Variants in THSD7B observed in about 807,000 individuals in gnomAD.
THSD7B encodes thrombospondin type-1 domain-containing protein 7B.
A neutral mutation model predicts 213.6 loss-of-function variants in THSD7B; 138 were observed. The observed-to-expected ratio is 0.65, with a 90% CI of 0.56 to 0.74. The LOEUF (loss-of-function observed/expected upper bound fraction) is 0.74. Ranked by LOEUF, THSD7B falls within the 30% of genes least tolerant of loss-of-function variation. THSD7B has a pLI of 0.00. For missense variants in THSD7B, 1,931 were observed against 1,991.5 expected (o/e 0.97, Z 0.58); for synonymous variants, 742 against 687.0 (o/e 1.08, Z -1.25).
chr2:137,058,297 GA>G (rs929378401), intron 3 of THSD7B, among the ~76,000 whole-genome samples: 1 of 152,062 alleles, frequency 6.6e-6, no homozygotes. Context: ...CTACTTCTTT[GA>G]AGTCCAGATT....
intron 12 of THSD7B, among the ~76,000 whole-genome samples, chr2:137,372,734 A>C (rs1412233570): frequency 6.6e-6 from 1 of 151,854 alleles, no homozygotes; most frequent in East Asian, 1.9e-4. Context: ...TTTAGGGTAC[A>C]TGTGCACAAT....
At chr2:137,376,255 A>G (rs932164885) in intron 12 of THSD7B, among the ~76,000 whole-genome samples, 3 of 152,212 alleles carry the variant, frequency 2.0e-5, no homozygotes, top group African/African-American at 7.2e-5. Flanking sequence ...TCGATAGCCT[A>G]TTTCATGGCA....
intron 12 of THSD7B, among the ~76,000 whole-genome samples, chr2:137,339,517 AATAATTCAAAACACAAATGCAC>A (rs1684710756): frequency 1.3e-5 from 2 of 152,008 alleles, no homozygotes; most frequent in African/African-American, 2.4e-5. Flanking sequence ...ATTGAAAAAT[AATAATTCAAAACACAAATGCAC>A]ATCATTTGTG....
intron 2 of THSD7B, among the ~76,000 whole-genome samples, chr2:136,935,582 A>C (rs1001614777): frequency 6.6e-6 from 1 of 152,048 alleles, no homozygotes; most frequent in African/African-American, 2.4e-5. Flanking sequence ...GATATTTTTA[A>C]CTTGATGAAA....
chr2:137,154,344 A>G (rs1164288385), intron 5 of THSD7B, among the ~76,000 whole-genome samples: 1 of 152,216 alleles, frequency 6.6e-6, no homozygotes, highest in East Asian at 1.9e-4. Context: ...ATTACCTCAA[A>G]CACTTTCTGA....
chr2:136,804,438 A>C (rs75409299), intron 1 of THSD7B, among the ~76,000 whole-genome samples: 3 of 138,592 alleles, frequency 2.2e-5, no homozygotes, highest in Non-Finnish European at 3.2e-5. Flanking sequence ...ACACACACAC[A>C]CCCTTACCCT....
chr2:137,405,544 C>T (rs1043408041), intron 12 of THSD7B, 69 bp from the exon 13 acceptor site: 1 of 1,445,110 alleles, frequency 6.9e-7, no homozygotes, highest in Non-Finnish European at 9.3e-7. Flanking sequence ...ATTCTGCTGT[C>T]TTGTCAAAGA....
At chr2:136,867,273 G>A (rs779274763) in intron 1 of THSD7B, among the ~76,000 whole-genome samples, 1 of 152,100 alleles carries the variant, frequency 6.6e-6, no homozygotes, top group African/African-American at 2.4e-5. Flanking sequence ...TGTCCCTAAC[G>A]GACCACCATT....
At chr2:136,869,970 G>T (rs1683404776) in intron 1 of THSD7B, among the ~76,000 whole-genome samples, 1 of 151,764 alleles carries the variant, frequency 6.6e-6, no homozygotes, top group Admixed American at 6.6e-5. Flanking sequence ...TACTCAGGAG[G>T]CTGAGGCAGG....
At chr2:137,512,270 T>G (rs1679976838) in intron 15 of THSD7B, 1 of 152,106 alleles carries the variant, frequency 6.6e-6, no homozygotes, top group African/African-American at 2.4e-5. Context: ...ATCAAGGCAT[T>G]ATTCAAAGTA....
intron 2 of THSD7B, among the ~76,000 whole-genome samples, chr2:136,919,360 C>A (rs1017709610): frequency 6.6e-6 from 1 of 152,304 alleles, no homozygotes; most frequent in Non-Finnish European, 1.5e-5. Context: ...GTGTTTCCTT[C>A]CCTTTCTTGT....
intron 1 of THSD7B, among the ~76,000 whole-genome samples, chr2:136,868,930 C>T (rs1683387795): frequency 1.3e-5 from 2 of 151,948 alleles, no homozygotes; most frequent in Admixed American, 1.3e-4. Context: ...AATTTTATTA[C>T]TTTTTCTAGA....
chr2:137,081,701 T>C (rs927301237), intron 3 of THSD7B, among the ~76,000 whole-genome samples: 15 of 152,202 alleles, frequency 9.9e-5, no homozygotes, highest in Admixed American at 9.8e-4. Flanking sequence ...TCTTGGTTAT[T>C]TGGAGGAGAC....
intron 12 of THSD7B, among the ~76,000 whole-genome samples, chr2:137,337,361 G>A (rs1684661347): frequency 6.6e-6 from 1 of 152,028 alleles, no homozygotes; most frequent in African/African-American, 2.4e-5. Flanking sequence ...TTATTTCACA[G>A]CACGTTTCTC....
chr2:136,786,173 A>G (rs79522847), intron 1 of THSD7B, among the ~76,000 whole-genome samples: 1 of 151,920 alleles, frequency 6.6e-6, no homozygotes, highest in Non-Finnish European at 1.5e-5. Flanking sequence ...TAAGGAAAAA[A>G]TCATCATATT....
chr2:137,551,133 A>C (rs1359792762), intron 15 of THSD7B, among the ~76,000 whole-genome samples: 2 of 152,088 alleles, frequency 1.3e-5, no homozygotes, highest in African/African-American at 4.8e-5. Flanking sequence ...ATTATTCTTC[A>C]AAAAATTATC....
chr2:137,621,325 G>A (rs2104843238), intron 20 of THSD7B, among the ~76,000 whole-genome samples: 1 of 152,292 alleles, frequency 6.6e-6, no homozygotes, highest in African/African-American at 2.4e-5. Flanking sequence ...CTCATTGGAA[G>A]ATGGCAGGGA....
chr2:136,910,743 T>A (rs1489726210), intron 2 of THSD7B, among the ~76,000 whole-genome samples: 1 of 152,146 alleles, frequency 6.6e-6, no homozygotes, highest in African/African-American at 2.4e-5. Context: ...GTTTTGCTAT[T>A]TTGTAAATAT....
At chr2:137,094,495 A>G (rs553578494) in intron 3 of THSD7B, among the ~76,000 whole-genome samples, 15 of 151,618 alleles carry the variant, frequency 9.9e-5, no homozygotes, top group Non-Finnish European at 1.9e-4. Flanking sequence ...AGTTGCTTGA[A>G]TCTGGGAGGC....
Sources: gnomAD v4.1 joint callset for allele counts (sites outside exome capture counted in the v4.1 genomes callset) on GRCh38, gnomAD v4.1.1 for gene constraint, MANE v1.5 for transcripts, NCBI Gene and HGNC (gene_info 2026-07-23, HGNC 2026-07-21) for gene names.